SLC26A7: variants seen among roughly 807,000 people sequenced by gnomAD.
The protein encoded by SLC26A7 is solute carrier family 26 member 7, also known as anion exchange transporter.
SLC26A7 carries 59 observed loss-of-function variants against 82.5 expected under a neutral mutation model. The ratio of observed to expected loss-of-function variants is 0.72; its 90% CI spans 0.58 to 0.89. The LOEUF is 0.89. Among genes scored for constraint, SLC26A7 ranks in the 40% least tolerant of loss-of-function variants. The pLI is 0.00. For synonymous variants in SLC26A7, 271 were observed against 274.3 expected (o/e 0.99, Z 0.12); for missense variants, 820 against 793.0 (o/e 1.03, Z -0.41).
At chr8:91,252,802 G>A (rs1342568892) in intron 2 of SLC26A7, among the ~76,000 whole-genome samples, 2 of 152,090 alleles carry the variant, frequency 1.3e-5, no homozygotes, top group African/African-American at 2.4e-5. Flanking sequence ...TTTTGGCCAA[G>A]GGAAAATGAG....
chr8:91,288,969 A>T (rs1455904112), intron 2 of SLC26A7, among the ~76,000 whole-genome samples, 167 bp from the exon 3 acceptor site: 3 of 152,242 alleles, frequency 2.0e-5, no homozygotes, highest in Non-Finnish European at 4.4e-5. Context: ...AATGAACTAA[A>T]GCGTGAATTT....
At chr8:91,228,681 C>T (rs960142401) in intron 2 of SLC26A7, among the ~76,000 whole-genome samples, 3 of 152,148 alleles carry the variant, frequency 2.0e-5, no homozygotes, top group African/African-American at 7.2e-5. Flanking sequence ...TCACGGCCAT[C>T]ACTCCCCTAG....
intron 11 of SLC26A7, among the ~76,000 whole-genome samples, chr8:91,358,329 CTT>C (rs71273702): frequency 1.9e-4 from 25 of 133,256 alleles, no homozygotes; most frequent in Admixed American, 3.8e-4. Flanking sequence ...TTTTCTTTTT[CTT>C]TTTTTTTTTT....
Position 91,293,251 on chromosome 8 carries a change from T to G in SLC26A7, c.305-2280T>G, listed in dbSNP as rs572609545. On this transcript the variant is annotated intron_variant, in intron 3 of 18. Transcript: ENST00000276609. ...GAGACCCTGTGACCCACAGTACTGT[T>G]GAGCTATCAGGTAGAAGTAGTGGTA... 2.0e-5 allele frequency among the ~76,000 whole-genome samples: 3 copies of G among 152,302 alleles called. No individual in the cohort carries two copies. The South Asian group carries it at 6.2e-4, about 32-fold the overall frequency.
chr8:91,332,396 T>A (rs966474734), intron 5 of SLC26A7, among the ~76,000 whole-genome samples: 1 of 143,262 alleles, frequency 7.0e-6, no homozygotes, highest in African/African-American at 2.5e-5. Context: ...AAAAATATAT[T>A]ATATTTAATT....
intron 4 of SLC26A7, among the ~76,000 whole-genome samples, chr8:91,311,366 T>C (rs1440483607): frequency 5.3e-5 from 8 of 152,248 alleles, no homozygotes; most frequent in African/African-American, 1.9e-4. Context: ...AATTAGATTC[T>C]TTATCATATT....
At chr8:91,305,398 A>C (rs554875234) in intron 4 of SLC26A7, among the ~76,000 whole-genome samples, 2 of 152,282 alleles carry the variant, frequency 1.3e-5, no homozygotes, top group Non-Finnish European at 2.9e-5. Context: ...TAGTCAATAA[A>C]ATCTCCCACC....
At chr8:91,318,693 G>C (rs901490698) in intron 5 of SLC26A7, among the ~76,000 whole-genome samples, 2 of 152,102 alleles carry the variant, frequency 1.3e-5, no homozygotes, top group Non-Finnish European at 2.9e-5. Context: ...CATCCACTGG[G>C]ATTATGGCCA....
intron 14 of SLC26A7, 66 bp downstream of exon 14, chr8:91,366,783 G>T (rs1563702499): frequency 7.3e-6 from 11 of 1,515,802 alleles, no homozygotes; most frequent in Non-Finnish European, 9.8e-6. Flanking sequence ...AATAAAACAT[G>T]TATCAAGTAA....
intron 9 of SLC26A7, among the ~76,000 whole-genome samples, chr8:91,350,044 T>C (rs928339832): frequency 1.3e-5 from 2 of 152,186 alleles, no homozygotes; most frequent in Non-Finnish European, 2.9e-5. Flanking sequence ...ACTTTTTTTA[T>C]GGGCAATCAT....
intron 1 of SLC26A7, among the ~76,000 whole-genome samples, chr8:91,214,419 C>T (rs1301901446): frequency 6.6e-6 from 1 of 152,166 alleles, no homozygotes; most frequent in African/African-American, 2.4e-5. Flanking sequence ...AACATGTGCA[C>T]TTTCCAACAA....
At chr8:91,271,323 G>A (rs1265920344) in intron 2 of SLC26A7, among the ~76,000 whole-genome samples, 2 of 152,124 alleles carry the variant, frequency 1.3e-5, no homozygotes, top group African/African-American at 4.8e-5. Context: ...CACCATGAAA[G>A]CAGGGATTGT....
At chr8:91,210,081 A>G (rs1414524846) in intron 1 of SLC26A7, among the ~76,000 whole-genome samples, 1 of 152,166 alleles carries the variant, frequency 6.6e-6, no homozygotes, top group Admixed American at 6.5e-5. Flanking sequence ...CAGAACCAAC[A>G]ACGACTTTGG....
intron 2 of SLC26A7, among the ~76,000 whole-genome samples, chr8:91,286,116 ATTGAGCT>A: frequency 6.6e-6 from 1 of 152,172 alleles, no homozygotes; most frequent in African/African-American, 2.4e-5. Flanking sequence ...AGAGCCAGAG[ATTGAGCT>A]ACTTACATGC....
intron 15 of SLC26A7, among the ~76,000 whole-genome samples, chr8:91,386,257 G>A (rs1814796497): frequency 1.3e-5 from 2 of 152,056 alleles, no homozygotes; most frequent in South Asian, 4.1e-4. Flanking sequence ...TAGCAAGCCT[G>A]TCTTATAGAC....
intron 2 of SLC26A7, among the ~76,000 whole-genome samples, chr8:91,277,195 C>T (rs764945870): frequency 3.9e-5 from 6 of 152,174 alleles, no homozygotes; most frequent in Non-Finnish European, 7.3e-5. Flanking sequence ...TCAAAATGTT[C>T]ACAAAATATT....
At chr8:91,333,027 G>A (rs544836213) in intron 5 of SLC26A7, among the ~76,000 whole-genome samples, 26 of 152,158 alleles carry the variant, frequency 1.7e-4, no homozygotes, top group African/African-American at 5.8e-4. Context: ...AAACATTCAT[G>A]TAGAGGATGG....
chr8:91,340,682 A>T (rs1197112536), intron 8 of SLC26A7, 131 bp downstream of exon 8: 1 of 1,064,076 alleles, frequency 9.4e-7, no homozygotes, highest in Non-Finnish European at 1.4e-6. Flanking sequence ...TTGAACAAAA[A>T]AAAAGAAAAA....
intron 5 of SLC26A7, among the ~76,000 whole-genome samples, chr8:91,332,429 A>G (rs1813114892): frequency 7.0e-6 from 1 of 143,542 alleles, no homozygotes; most frequent in Non-Finnish European, 1.5e-5. Context: ...TTTAATCAAT[A>G]TATATTTAAT....
Sources: allele counts gnomAD v4.1 joint callset (sites outside exome capture counted in the v4.1 genomes callset), GRCh38; gene constraint gnomAD v4.1.1; transcripts MANE v1.5; gene names NCBI Gene and HGNC (gene_info 2026-07-23, HGNC 2026-07-21).